The following EFNB2 variants were observed in gnomAD, a reference collection of about 807,000 sequenced individuals.
The protein encoded by EFNB2 is ephrin B2.
Under a neutral mutation model 32.1 loss-of-function variants are expected in EFNB2, and 5 were observed. The observed-to-expected ratio is 0.16, with a 90% CI of 0.08 to 0.33. The LOEUF is 0.33. Ranked by LOEUF, EFNB2 falls within the 10% of genes least tolerant of loss-of-function variation. The probability of loss-of-function intolerance (pLI) is 1.00; values close to 1 mark genes in which losing one functional copy is unlikely to be tolerated. For synonymous variants in EFNB2, 168 were observed against 166.5 expected (o/e 1.01, Z -0.07); for missense variants, 263 against 422.6 (o/e 0.62, Z 3.31).
In EFNB2 at chr13:106,528,327, T is replaced by C. The variant is rs191908516; in HGVS notation, c.122+6516A>G. On this transcript the variant is annotated intron_variant, in intron 1 of 4. Coordinates refer to ENST00000646441, the MANE Select transcript of EFNB2 (RefSeq NM_004093.4). ...AAACAGTCAACAAGGGCAATGTATC[T>C]ACAGCCCCAAACAGATGCTCAAGTC... Among the ~76,000 whole-genome samples the C allele has an allele frequency of 2.0e-5, 3 of 152,264 alleles. No homozygotes were observed. The East Asian group carries it at 5.8e-4, about 29-fold the overall frequency.
chr13:106,497,023 TG>T (rs1490982321), intron 2 of EFNB2, among the ~76,000 whole-genome samples: 2 of 152,242 alleles, frequency 1.3e-5, no homozygotes, highest in African/African-American at 2.4e-5. Flanking sequence ...AAAAAAGGAT[TG>T]ATTTTCTGGT....
At position 106,512,641 on chromosome 13, in the gene EFNB2, G is replaced by A; in HGVS notation, c.294C>T (p.Leu98=). Residue 98 remains leucine (L), a synonymous_variant, in exon 2 of 5, where the codon CTC becomes CTT. Transcript: ENST00000646441. ...RCTIKKENTP[L]LNCAKPDQDI... is the part of the protein sequence containing the mutation. Reference sequence around the variant, plus strand: ...CTTGGTCTGGTTTGGCACAGTTGAGGAGAGGGGTATTTTCCTTCTTAATAG... The same window carrying A: ...CTTGGTCTGGTTTGGCACAGTTGAGAAGAGGGGTATTTTCCTTCTTAATAG... 6.2e-7 allele frequency: 1 copy of A among 1,613,892 alleles called. No individual in the cohort carries two copies. Among genetic ancestry groups the A allele is most frequent in the Non-Finnish European group, 8.5e-7 (1 of 1,179,922 alleles).
intron 1 of EFNB2, chr13:106,520,709 A>C (rs570579764): frequency 6.6e-6 from 1 of 152,356 alleles, no homozygotes; most frequent in East Asian, 1.9e-4. Context: ...TAAAATGAAT[A>C]AATAAAGGCA....
At chr13:106,514,319 G>A (rs1266442976) in intron 1 of EFNB2, among the ~76,000 whole-genome samples, 1 of 152,104 alleles carries the variant, frequency 6.6e-6, no homozygotes, top group East Asian at 1.9e-4. Flanking sequence ...TAGAACTTTT[G>A]ACAAATGCAA....
chr13:106,495,119 T>C (rs1878545788), intron 3 of EFNB2, 125 bp from the exon 4 acceptor site: 1 of 718,526 alleles, frequency 1.4e-6, no homozygotes, highest in African/African-American at 1.8e-5. Flanking sequence ...CAAAGTACTG[T>C]GAAATACAAG....
At chr13:106,501,680 C>T (rs1376852996) in intron 2 of EFNB2, among the ~76,000 whole-genome samples, 4 of 151,938 alleles carry the variant, frequency 2.6e-5, no homozygotes, top group South Asian at 4.2e-4. Flanking sequence ...ACAAGCTCTG[C>T]CTCCCAGGTT....
intron 1 of EFNB2, chr13:106,521,448 G>C (rs188608996): frequency 1.3e-5 from 2 of 152,246 alleles, no homozygotes; most frequent in African/African-American, 4.8e-5. Flanking sequence ...TGTCAAACTT[G>C]AATCTGCAAT....
rs1170803905 is a variant in EFNB2, at chr13:106,534,925, C to T, written c.40G>A (p.Gly14Ser). ...GTTCTGCATAAAACCATCAAAACACCCCAGCAGTACTTCCACACGGAGTCC... is the reference window on the plus strand; with the variant it reads ...GTTCTGCATAAAACCATCAAAACACTCCAGCAGTACTTCCACACGGAGTCC... ...RRDSVWKYCW[G>S]VLMVLCRTAI... The change falls in exon 1 of 5, where the codon GGT becomes AGT. Residue 14 changes from glycine to serine, a missense_variant. By Grantham distance (56) the Gly-to-Ser change is moderately conservative. Around this residue, in one of 3 missense-constraint regions of EFNB2, gnomAD observed 46 missense variants for 56.9 expected, o/e 0.81. Coordinates refer to ENST00000646441, the MANE Select transcript of EFNB2 (RefSeq NM_004093.4). 41 of 1,613,566 alleles carry T rather than the reference C, an allele frequency of 2.5e-5. No homozygotes were observed. The highest frequency in any genetic ancestry group is 3.5e-5 in the Non-Finnish European group (41 of 1,179,764).
chr13:106,520,667 C>G (rs1465547195), intron 1 of EFNB2: 1 of 152,196 alleles, frequency 6.6e-6, no homozygotes, highest in African/African-American at 2.4e-5. Context: ...ATAAGGTATT[C>G]TCTGAATGCC....
At chr13:106,496,800 T>C (rs767263298) in intron 2 of EFNB2, among the ~76,000 whole-genome samples, 2 of 152,324 alleles carry the variant, frequency 1.3e-5, no homozygotes, top group South Asian at 2.1e-4. Flanking sequence ...TGTAAAGAGA[T>C]AGGCTGCCAG....
intron 2 of EFNB2, among the ~76,000 whole-genome samples, chr13:106,497,924 G>C (rs1025695757): frequency 2.0e-5 from 3 of 152,116 alleles, no homozygotes; most frequent in Admixed American, 6.5e-5. Flanking sequence ...AAAAAATTAG[G>C]ATATGTCTGC....
chr13:106,513,229 A>G (rs1266217540), intron 1 of EFNB2, among the ~76,000 whole-genome samples: 1 of 152,170 alleles, frequency 6.6e-6, no homozygotes, highest in Admixed American at 6.5e-5. Flanking sequence ...CGTCAATTGG[A>G]GGGAACAGTG....
chr13:106,501,628 T>C (rs962731665), intron 2 of EFNB2, among the ~76,000 whole-genome samples: 31 of 151,954 alleles, frequency 2.0e-4, no homozygotes, highest in African/African-American at 7.0e-4. Context: ...AGTCTCGCTC[T>C]GTCACCCAGG....
chr13:106,493,409 G>A lies in EFNB2; in HGVS notation c.633C>T (p.Asn211=). Residue 211 remains asparagine, a synonymous_variant, in exon 5 of 5, where the codon AAC becomes AAT. Coordinates refer to ENST00000646441, the MANE Select transcript of EFNB2 (RefSeq NM_004093.4). The surrounding 1 kb of genome is among the most constrained non-coding windows in gnomAD (Gnocchi z 6.1). ...KPNPGSSTDG[N]SAGHSGNNIL... Reference sequence around the variant, plus strand: ...TGTTGTTCCCCGAATGTCCGGCGCTGTTGCCGTCTGTGCTAGAACCTGCAG... The same window carrying A: ...TGTTGTTCCCCGAATGTCCGGCGCTATTGCCGTCTGTGCTAGAACCTGCAG... 1 of 1,612,824 alleles carries A rather than the reference G, an allele frequency of 6.2e-7. No individual in the cohort carries two copies. The highest frequency in any genetic ancestry group is 8.5e-7 in the Non-Finnish European group (1 of 1,179,144).
intron 2 of EFNB2, among the ~76,000 whole-genome samples, chr13:106,511,026 TAA>T (rs1879127714): frequency 6.6e-6 from 1 of 152,048 alleles, no homozygotes; most frequent in African/African-American, 2.4e-5. Context: ...AATAAAAAAA[TAA>T]AGTCTTTACT....
intron 2 of EFNB2, among the ~76,000 whole-genome samples, chr13:106,501,455 A>T (rs535783441): frequency 1.9e-4 from 29 of 152,320 alleles, no homozygotes; most frequent in African/African-American, 6.5e-4. Flanking sequence ...TAATATATTT[A>T]AAAAATTCAG....
At chr13:106,509,011 A>C (rs568453620) in intron 2 of EFNB2, among the ~76,000 whole-genome samples, 238 of 152,344 alleles carry the variant, frequency 1.6e-3, no homozygotes, top group Non-Finnish European at 1.6e-3. Context: ...AACCACACTA[A>C]CAAGTGATCC....
chr13:106,527,869 T>G (rs1879750557), intron 1 of EFNB2, among the ~76,000 whole-genome samples: 1 of 152,234 alleles, frequency 6.6e-6, no homozygotes, highest in African/African-American at 2.4e-5. Flanking sequence ...TTTAATCACT[T>G]TAACCCTGTT....
intron 1 of EFNB2, among the ~76,000 whole-genome samples, chr13:106,534,625 G>C (rs1366437307): frequency 1.3e-5 from 2 of 151,896 alleles, no homozygotes; most frequent in Non-Finnish European, 2.9e-5. Context: ...GTTCGGGGGA[G>C]GAAAGGCGGA....
Sources: gnomAD v4.1 joint callset for allele counts (sites outside exome capture counted in the v4.1 genomes callset) on GRCh38, gnomAD v4.1.1 for gene constraint, gnomAD v4.1.1 regional missense constraint, Gnocchi (gnomAD v3.1) non-coding constraint, MANE v1.5 for transcripts, NCBI Gene and HGNC (gene_info 2026-07-23, HGNC 2026-07-21) for gene names.